Variants in MED13 observed in about 807,000 individuals in gnomAD.
MED13 encodes mediator complex subunit 13, also known as mediator of RNA polymerase II transcription subunit 13.
MED13 carries 23 observed loss-of-function variants against 225.2 expected under a neutral mutation model. That is an observed-to-expected ratio of 0.10 (90% CI 0.07 to 0.14). The LOEUF (loss-of-function observed/expected upper bound fraction) is 0.14. Ranked by LOEUF, MED13 falls within the 10% of genes least tolerant of loss-of-function variation. MED13 has a pLI of 1.00. For synonymous variants in MED13, 942 were observed against 889.2 expected (o/e 1.06, Z -1.06); for missense variants, 2,197 against 2,594.5 (o/e 0.85, Z 3.33).
intron 6 of MED13, 200 bp downstream of exon 6, chr17:62,031,244 A>G (rs1262779503): frequency 6.4e-6 from 3 of 466,646 alleles, no homozygotes; most frequent in Non-Finnish European, 1.1e-5. Context: ...AAAAAGACCA[A>G]TGATAATGAA....
intron 27 of MED13, 69 bp downstream of exon 27, chr17:61,952,896 A>C (rs2079908879): frequency 6.5e-7 from 1 of 1,528,080 alleles, no homozygotes. Flanking sequence ...CGCCCTCCCA[A>C]AGTGCTGGGA....
intron 28 of MED13, among the ~76,000 whole-genome samples, chr17:61,948,867 A>C (rs985450836): frequency 6.6e-6 from 1 of 151,232 alleles, no homozygotes; most frequent in African/African-American, 2.4e-5. Context: ...CGGGCGGATC[A>C]CGAGGTCAGG....
intron 26 of MED13, among the ~76,000 whole-genome samples, chr17:61,954,046 GTC>G (rs755091792): frequency 4.0e-5 from 6 of 151,728 alleles, no homozygotes; most frequent in South Asian, 2.1e-4. Context: ...TGTGAATGTG[GTC>G]TCTCTCTCTC....
chr17:62,011,760 C>T (rs1191826696), intron 8 of MED13, among the ~76,000 whole-genome samples: 2 of 152,188 alleles, frequency 1.3e-5, no homozygotes, highest in East Asian at 3.8e-4. Context: ...TGATGGGCCT[C>T]ACACCATACC....
At chr17:61,965,565 T>G in intron 19 of MED13, 97 bp from the exon 20 acceptor site, 2 of 1,257,214 alleles carry the variant, frequency 1.6e-6, no homozygotes, top group Non-Finnish European at 2.1e-6. Context: ...CCAGTTGATG[T>G]TTTCTTGGTA....
At chr17:62,017,219 T>TAAAAAAAAAAAAAAAAAAAAAAAAAAAA (rs555881211) in intron 8 of MED13, among the ~76,000 whole-genome samples, 2 of 84,244 alleles carry the variant, frequency 2.4e-5, no homozygotes, top group African/African-American at 4.5e-5. Flanking sequence ...ACTAAAATGC[T>TAAAAAAAAAAAAAAAAAAAAAAAAAAAA]AAAAAAAAAA....
intron 8 of MED13, among the ~76,000 whole-genome samples, chr17:62,022,916 A>G (rs1425442543): frequency 1.3e-5 from 2 of 152,096 alleles, no homozygotes; most frequent in African/African-American, 4.8e-5. Flanking sequence ...AGACTGAGGC[A>G]GGAGGATCGT....
chr17:61,963,304 G>A (rs1247018560), intron 20 of MED13, among the ~76,000 whole-genome samples: 1 of 146,660 alleles, frequency 6.8e-6, no homozygotes, highest in Non-Finnish European at 1.5e-5. Context: ...AGAGTTTAAG[G>A]GATAAAACTG....
intron 5 of MED13, 128 bp from the exon 6 acceptor site, chr17:62,031,766 A>G (rs2080759240): frequency 2.0e-6 from 1 of 505,672 alleles, no homozygotes; most frequent in African/African-American, 2.0e-5. Context: ...TTTTATAAAT[A>G]TAAGCTTCTT....
chr17:61,955,583 AT>A lies in MED13; in HGVS notation c.5783-17del. ...GACACAGAATCTGAAAATGAAAGAC[AT>A]TTTTTCTTTTAATAAACGAAGAATA... On this transcript the variant is annotated splice_polypyrimidine_tract_variant and intron_variant, in intron 25 of 29. Coordinates refer to ENST00000397786, the MANE Select transcript of MED13 (RefSeq NM_005121.3). 6.5e-7 allele frequency: 1 copy of A among 1,545,176 alleles called. No homozygotes were observed. Among genetic ancestry groups the A allele is most frequent in the Admixed American group, 2.2e-5 (1 of 44,826 alleles).
In MED13 at chr17:61,950,768, T is replaced by C. The variant is rs1051179478; in HGVS notation, c.6291+57A>G. On this transcript the variant is annotated intron_variant, in intron 28 of 29. Coordinates refer to ENST00000397786, the MANE Select transcript of MED13 (RefSeq NM_005121.3). ...CTTAAAAAAGCCACTTCTATATTTCTCAGGACTTAGGCTGTCAATCAGAAT... is the reference window on the plus strand; with the variant it reads ...CTTAAAAAAGCCACTTCTATATTTCCCAGGACTTAGGCTGTCAATCAGAAT... The C allele has an allele frequency of 2.5e-5, 39 of 1,531,472 alleles. 1 individual carries two copies. The South Asian group carries it at 4.7e-4, about 19-fold the overall frequency. 94.9% of individuals were successfully genotyped at this position (1,531,472 alleles called of 1,614,324 possible). A position where few individuals can be genotyped will look rare whatever the true frequency, so the allele number is the denominator to read the frequency against.
intron 24 of MED13, among the ~76,000 whole-genome samples, 186 bp downstream of exon 24, chr17:61,956,153 T>G (rs1054507876): frequency 2.3e-4 from 35 of 152,202 alleles, no homozygotes; most frequent in African/African-American, 8.4e-4. Context: ...AGACTGATAT[T>G]AAAGTTAAAA....
intron 13 of MED13, 40 bp from the exon 14 acceptor site, chr17:61,984,905 A>G: frequency 5.0e-6 from 8 of 1,594,726 alleles, no homozygotes; most frequent in Non-Finnish European, 6.8e-6. Context: ...ATGACTAAAA[A>G]TAGGCGAATC....
intron 28 of MED13, among the ~76,000 whole-genome samples, chr17:61,948,956 C>T (rs569672785): frequency 3.3e-5 from 5 of 150,232 alleles, no homozygotes; most frequent in African/African-American, 4.9e-5. Flanking sequence ...GGCGTAGTGG[C>T]GGGCGCCTGT....
intron 8 of MED13, among the ~76,000 whole-genome samples, chr17:62,020,159 T>G (rs144546346): frequency 6.6e-6 from 1 of 152,154 alleles, no homozygotes; most frequent in Non-Finnish European, 1.5e-5. Flanking sequence ...TTTTTCCTAT[T>G]GATGTTAGGT....
intron 8 of MED13, among the ~76,000 whole-genome samples, chr17:62,013,784 T>C (rs1433669408): frequency 6.6e-6 from 1 of 152,210 alleles, no homozygotes; most frequent in Non-Finnish European, 1.5e-5. Context: ...CTCACACCTG[T>C]AATCCCAGCA....
chr17:62,003,608 A>AAAAAAAAAAAAAAAAAAAAAC (rs2080417471), intron 9 of MED13: 1 of 150,740 alleles, frequency 6.6e-6, no homozygotes, highest in Non-Finnish European at 1.5e-5. Flanking sequence ...TCAAAAAAAA[A>AAAAAAAAAAAAAAAAAAAAAC]AAAAAAAAAA....
chr17:62,026,884 G>A (rs1025640630), intron 8 of MED13, among the ~76,000 whole-genome samples: 1 of 152,018 alleles, frequency 6.6e-6, no homozygotes, highest in Non-Finnish European at 1.5e-5. Flanking sequence ...TTACCAGAAA[G>A]GTTAAAGATC....
intron 16 of MED13, among the ~76,000 whole-genome samples, chr17:61,976,534 G>A (rs772775238): frequency 8.5e-5 from 13 of 152,054 alleles, no homozygotes; most frequent in Non-Finnish European, 1.8e-4. Flanking sequence ...ATTTTAAATG[G>A]GTGAATTGTA....
Sources: gnomAD v4.1 joint callset for allele counts (sites outside exome capture counted in the v4.1 genomes callset) on GRCh38, gnomAD v4.1.1 for gene constraint, MANE v1.5 for transcripts, NCBI Gene and HGNC (gene_info 2026-07-23, HGNC 2026-07-21) for gene names.